KCNIP4: variants seen among roughly 807,000 people sequenced by gnomAD.
KCNIP4 encodes potassium voltage-gated channel interacting protein 4.
Under a neutral mutation model 34.0 loss-of-function variants are expected in KCNIP4, and 12 were observed. That is an observed-to-expected ratio of 0.35 (90% CI 0.23 to 0.57). The LOEUF (loss-of-function observed/expected upper bound fraction) is 0.57, where lower values mean the gene tolerates loss of function less well. KCNIP4 is among the 20% of genes least tolerant of loss of function. The pLI, the probability that KCNIP4 is intolerant of heterozygous loss-of-function variation, is 0.83. For missense variants in KCNIP4, 238 were observed against 311.7 expected (o/e 0.76, Z 1.78); for synonymous variants, 124 against 102.2 (o/e 1.21, Z -1.29).
intron 1 of KCNIP4, among the ~76,000 whole-genome samples, chr4:21,331,796 C>T (rs542664224): frequency 3.3e-5 from 5 of 151,944 alleles, no homozygotes; most frequent in East Asian, 1.9e-4. Context: ...AATCTTTAGA[C>T]GTTTATCAGT....
intron 3 of KCNIP4, among the ~76,000 whole-genome samples, chr4:20,786,795 TAA>T (rs1326070549): frequency 1.3e-5 from 2 of 152,038 alleles, no homozygotes; most frequent in African/African-American, 4.8e-5. Flanking sequence ...TACCATTTGT[TAA>T]AGAGAAAACA....
intron 1 of KCNIP4, among the ~76,000 whole-genome samples, chr4:20,963,820 G>C (rs763096787): frequency 5.9e-5 from 9 of 152,108 alleles, no homozygotes; most frequent in Non-Finnish European, 1.3e-4. Context: ...TGGTGAGAGC[G>C]CTGGAGTAGA....
intron 2 of KCNIP4, among the ~76,000 whole-genome samples, chr4:20,877,274 C>T (rs1724149566): frequency 6.6e-6 from 1 of 152,176 alleles, no homozygotes; most frequent in African/African-American, 2.4e-5. Flanking sequence ...TAACCATCAA[C>T]CTAGAAATCG....
At chr4:21,030,260 AG>A (rs1188843366) in intron 1 of KCNIP4, among the ~76,000 whole-genome samples, 2 of 152,158 alleles carry the variant, frequency 1.3e-5, no homozygotes, top group African/African-American at 4.8e-5. Flanking sequence ...TGTGCATGCA[AG>A]GGATCTCGGT....
intron 1 of KCNIP4, among the ~76,000 whole-genome samples, chr4:21,507,172 A>G (rs952755706): frequency 2.0e-5 from 3 of 151,902 alleles, no homozygotes; most frequent in Non-Finnish European, 4.4e-5. Context: ...ATCAATATAA[A>G]AACTATTGAG....
chr4:21,813,986 G>A (rs1721817598), intron 1 of KCNIP4, among the ~76,000 whole-genome samples: 1 of 152,092 alleles, frequency 6.6e-6, no homozygotes, highest in South Asian at 2.1e-4. Flanking sequence ...CTCCTATCCA[G>A]ATATTGAGTT....
chr4:20,914,800 C>T (rs576616483), intron 1 of KCNIP4, among the ~76,000 whole-genome samples: 1 of 152,130 alleles, frequency 6.6e-6, no homozygotes, highest in Non-Finnish European at 1.5e-5. Context: ...TCAGATCTTA[C>T]CAACGATCCG....
At chr4:21,035,770 G>A (rs1341034225) in intron 1 of KCNIP4, among the ~76,000 whole-genome samples, 1 of 152,162 alleles carries the variant, frequency 6.6e-6, no homozygotes, top group Non-Finnish European at 1.5e-5. Flanking sequence ...GCCTTTTGCT[G>A]CCTTGCTAAG....
At chr4:21,639,916 A>G (rs996133518) in intron 1 of KCNIP4, among the ~76,000 whole-genome samples, 19 of 152,154 alleles carry the variant, frequency 1.2e-4, no homozygotes, top group Non-Finnish European at 2.4e-4. Context: ...AACCACAGTG[A>G]CATGCTTGTA....
chr4:21,948,466 A>C (rs942041718), intron 1 of KCNIP4, 105 bp downstream of exon 1: 2 of 1,257,038 alleles, frequency 1.6e-6, no homozygotes, highest in African/African-American at 3.0e-5. Flanking sequence ...CATGCAGCGA[A>C]GGCAACAAGC....
At chr4:21,737,987 C>A (rs1173271336) in intron 1 of KCNIP4, among the ~76,000 whole-genome samples, 1 of 151,704 alleles carries the variant, frequency 6.6e-6, no homozygotes, top group Non-Finnish European at 1.5e-5. Flanking sequence ...AGCTACTCTG[C>A]AGGCTGAAGC....
intron 4 of KCNIP4, chr4:20,752,752 A>G (rs571954000): frequency 2.0e-5 from 3 of 152,364 alleles, no homozygotes; most frequent in Admixed American, 1.3e-4. Flanking sequence ...TGACTGGGTG[A>G]GAGAAAGAAG....
chr4:21,234,362 T>C (rs1759153905), intron 1 of KCNIP4, among the ~76,000 whole-genome samples: 1 of 109,602 alleles, frequency 9.1e-6, no homozygotes, highest in East Asian at 2.7e-4. Context: ...ATATAACATA[T>C]ATAATATATA....
At chr4:21,133,980 T>C (rs1751301403) in intron 1 of KCNIP4, among the ~76,000 whole-genome samples, 1 of 152,184 alleles carries the variant, frequency 6.6e-6, no homozygotes, top group Admixed American at 6.5e-5. Flanking sequence ...AAGAATGTCT[T>C]TCTTCTTTCC....
intron 1 of KCNIP4, among the ~76,000 whole-genome samples, chr4:21,226,042 T>G (rs1177087347): frequency 6.6e-6 from 1 of 151,904 alleles, no homozygotes; most frequent in African/African-American, 2.4e-5. Flanking sequence ...GTGGATTACC[T>G]TAAATCTTCT....
intron 1 of KCNIP4, among the ~76,000 whole-genome samples, chr4:21,237,411 T>C (rs1054048550): frequency 2.6e-5 from 4 of 152,068 alleles, no homozygotes; most frequent in African/African-American, 7.2e-5. Context: ...TCCACATAGA[T>C]CTCCAGTCTC....
intron 1 of KCNIP4, among the ~76,000 whole-genome samples, chr4:21,712,748 G>A (rs1195842116): frequency 6.6e-6 from 1 of 151,948 alleles, no homozygotes; most frequent in Non-Finnish European, 1.5e-5. Flanking sequence ...TGTTGTGTGA[G>A]ATTTAAAAGT....
chr4:21,467,692 G>C (rs371575995), intron 1 of KCNIP4, among the ~76,000 whole-genome samples: 10 of 152,182 alleles, frequency 6.6e-5, no homozygotes, highest in African/African-American at 2.4e-4. Flanking sequence ...GAGTCCTGCT[G>C]CGTCAGTGTC....
chr4:20,767,225 A>G (rs1045797557), intron 3 of KCNIP4: 5 of 152,184 alleles, frequency 3.3e-5, no homozygotes, highest in African/African-American at 1.2e-4. Context: ...GTATATATGA[A>G]TTACGCTTTC....
Sources: allele counts gnomAD v4.1 joint callset (sites outside exome capture counted in the v4.1 genomes callset), GRCh38; gene constraint gnomAD v4.1.1; transcripts MANE v1.5; gene names NCBI Gene and HGNC (gene_info 2026-07-23, HGNC 2026-07-21).